Variants in UNC5B observed in about 807,000 individuals in gnomAD.
The protein encoded by UNC5B is unc-5 netrin receptor B, also known as netrin receptor UNC5B.
Under a neutral mutation model 103.7 loss-of-function variants are expected in UNC5B, and 56 were observed. That is an observed-to-expected ratio of 0.54 (90% CI 0.44 to 0.67). UNC5B has a LOEUF of 0.67. Among genes scored for constraint, UNC5B ranks in the 30% least tolerant of loss-of-function variants. UNC5B has a pLI of 0.00. For missense variants in UNC5B, 1,194 were observed against 1,284.5 expected (o/e 0.93, Z 1.08); for synonymous variants, 577 against 542.0 (o/e 1.06, Z -0.90).
chr10:71,293,172 A>T (rs1293840121), intron 11 of UNC5B, among the ~76,000 whole-genome samples: 1 of 152,190 alleles, frequency 6.6e-6, no homozygotes, highest in Admixed American at 6.5e-5. Context: ...TAAGCCAGGA[A>T]TTTTGAGCTA....
rs1374588606 is a variant in UNC5B, at chr10:71,300,875, G to T, written c.*1598G>T. 2 of 152,392 alleles carry T rather than the reference G, an allele frequency of 1.3e-5. No homozygotes were observed. The highest frequency in any genetic ancestry group is 2.9e-5 in the Non-Finnish European group (2 of 68,198). The allele number at this position is 152,392 out of a possible 1,614,324, so 9.4% of individuals were successfully genotyped here. ...CCCTCCTCTCACCCACCCCGCTACG[G>T]TCTGAGAGATCTGAAATAACCTTTC... On this transcript the variant is annotated 3_prime_UTR_variant, in exon 17 of 17. Coordinates refer to ENST00000335350, the MANE Select transcript of UNC5B (RefSeq NM_170744.5).
intron 4 of UNC5B, 69 bp from the exon 5 acceptor site, chr10:71,286,620 C>T: frequency 1.3e-6 from 2 of 1,583,062 alleles, no homozygotes; most frequent in Non-Finnish European, 1.7e-6. Context: ...CCAGGTAGAA[C>T]TGCCCTTCTT....
chr10:71,280,970 G>A (rs1325021237), intron 2 of UNC5B, among the ~76,000 whole-genome samples: 1 of 152,062 alleles, frequency 6.6e-6, no homozygotes, highest in Non-Finnish European at 1.5e-5. Flanking sequence ...TCCTTCTTCA[G>A]CTCTGTTTAT....
chr10:71,277,252 C>T (rs1374877816), intron 1 of UNC5B, among the ~76,000 whole-genome samples: 1 of 152,252 alleles, frequency 6.6e-6, no homozygotes, highest in East Asian at 1.9e-4. Flanking sequence ...TGACATGCAC[C>T]CATGGGCCCC....
rs1418335091 is a variant in UNC5B at position 71,288,977 on chromosome 10, C to A, written c.1086C>A (p.Asp362Glu). ...TGACAGATAAGAAAACTCTAAGCGA[C>A]CCCAACAGCCACCGTAAGTCCCATT... Reference protein sequence around the residue: ...LCMQNKKTLSDPNSHLLEASG... With the variant: ...LCMQNKKTLSEPNSHLLEASG... The change falls in exon 8 of 17, where the codon GAC becomes GAA. Residue 362 changes from aspartate (D) to glutamate (E), a missense_variant. Transcript: ENST00000335350. 6.2e-6 allele frequency: 10 copies of A among 1,614,210 alleles called. No homozygotes were observed. The highest frequency in any genetic ancestry group is 8.5e-6 in the Non-Finnish European group (10 of 1,180,024).
chr10:71,291,603 C>T lies in UNC5B; in HGVS notation c.1466C>T (p.Thr489Ile). The part of the protein sequence containing the change: ...SLKVKVYSSS[T>I]TGSGPGLADG... ...AAGGTCAAGGTCTACAGCTCCAGCA[C>T]CACGGGCTCTGGGCCAGGCCTGGCA... The change falls in exon 10 of 17, where the codon ACC becomes ATC. Residue 489 changes from threonine (T) to isoleucine (I), a missense_variant. Physicochemically the swap from Thr to Ile is moderately conservative, Grantham distance 89. Transcript: ENST00000335350. The T allele has an allele frequency of 1.2e-6, 2 of 1,614,154 alleles. No individual in the cohort carries two copies. Among genetic ancestry groups the T allele is most frequent in the South Asian group, 1.1e-5 (1 of 91,084 alleles).
At chr10:71,222,664 G>A (rs1843475613) in intron 1 of UNC5B, among the ~76,000 whole-genome samples, 1 of 152,224 alleles carries the variant, frequency 6.6e-6, no homozygotes, top group African/African-American at 2.4e-5. Flanking sequence ...GCCAAGGAGA[G>A]GGGCAGGAAG....
chr10:71,277,038 G>A (rs1465211203), intron 1 of UNC5B, among the ~76,000 whole-genome samples: 2 of 152,242 alleles, frequency 1.3e-5, no homozygotes, highest in Non-Finnish European at 2.9e-5. Flanking sequence ...AGAGTAGGGC[G>A]GTGGGGCTGC....
At chr10:71,229,238 T>G (rs1341938945) in intron 1 of UNC5B, among the ~76,000 whole-genome samples, 1 of 151,752 alleles carries the variant, frequency 6.6e-6, no homozygotes, top group Non-Finnish European at 1.5e-5. Context: ...TCAGAGAGAG[T>G]GGGTGTTTGT....
chr10:71,241,662 C>T (rs1411102371), intron 1 of UNC5B, among the ~76,000 whole-genome samples: 1 of 151,980 alleles, frequency 6.6e-6, no homozygotes, highest in Non-Finnish European at 1.5e-5. Flanking sequence ...GGCCCGTCTT[C>T]TCCTTGGCCT....
rs553050982 is a variant in UNC5B at position 71,265,129 on chromosome 10, G to T, written c.80-14692G>T. ...GAATACCTACCAGAAAGAGTTGCGG[G>T]GAGGGTTCAGTTAGATAATTATTCC... On this transcript the variant is annotated intron_variant, in intron 1 of 16. Coordinates refer to ENST00000335350, the MANE Select transcript of UNC5B (RefSeq NM_170744.5). 9.8e-5 allele frequency among the ~76,000 whole-genome samples: 15 copies of T among 152,288 alleles called. No individual in the cohort carries two copies. In the East Asian group the frequency reaches 2.7e-3, roughly 27 times the overall value.
intron 11 of UNC5B, 75 bp downstream of exon 11, chr10:71,292,629 C>T: frequency 2.2e-6 from 3 of 1,333,658 alleles, no homozygotes; most frequent in Non-Finnish European, 3.2e-6. Context: ...GGCTCCCCTT[C>T]TAAGCCTGAT....
In UNC5B at chr10:71,212,763, A is replaced by AGCCTCGTTCGAGAGCCGGC. The variant is rs1843252599; in HGVS notation, c.-219_-201dup. ...ACCCGGAGCCAGAGGGGCGCGCCGG[A>AGCCTCGTTCGAGAGCCGGC]GCCTCGTTCGAGAGCCGGCGCCAGG... On this transcript the variant is annotated 5_prime_UTR_variant, in exon 1 of 17. Transcript: ENST00000335350. The AGCCTCGTTCGAGAGCCGGC allele has an allele frequency of 2.8e-6, 1 of 351,774 alleles. No individual in the cohort carries two copies. The highest frequency in any genetic ancestry group is 4.8e-5 in the Admixed American group (1 of 21,016). The allele number at this position is 351,774 out of a possible 1,614,324, so 21.8% of individuals were successfully genotyped here. A position where few individuals can be genotyped will look rare whatever the true frequency, so the allele number is the denominator to read the frequency against.
chr10:71,214,092 C>T (rs1325852122), intron 1 of UNC5B, among the ~76,000 whole-genome samples: 1 of 152,108 alleles, frequency 6.6e-6, no homozygotes, highest in Non-Finnish European at 1.5e-5. Context: ...CCACGGCTGC[C>T]GGGCGGCTCG....
At chr10:71,246,903 G>A (rs569047281) in intron 1 of UNC5B, among the ~76,000 whole-genome samples, 39 of 152,276 alleles carry the variant, frequency 2.6e-4, no homozygotes, top group African/African-American at 9.4e-4. Context: ...GCTCCCTGAA[G>A]CAGGGAGGGC....
chr10:71,212,725 C>T lies in UNC5B; in HGVS notation c.-261C>T. The T allele has an allele frequency of 3.1e-6, 1 of 327,454 alleles. No individual in the cohort carries two copies. Among genetic ancestry groups the T allele is most frequent in the Non-Finnish European group, 5.5e-6 (1 of 180,398 alleles). 20.3% of individuals were successfully genotyped at this position (327,454 alleles called of 1,614,324 possible). A position where few individuals can be genotyped will look rare whatever the true frequency, so the allele number is the denominator to read the frequency against. ...TCGGAGGCACAGCGCCGGAGCCAGG[C>T]GAGCGCTCAGAGACCCGGAGCCAGA... On this transcript the variant is annotated 5_prime_UTR_variant, in exon 1 of 17. Coordinates refer to ENST00000335350, the MANE Select transcript of UNC5B (RefSeq NM_170744.5).
chr10:71,295,888 C>A lies in UNC5B; in HGVS notation c.2253C>A (p.Tyr751Ter). Residue 751 changes from tyrosine to a stop codon, truncating the protein, a stop_gained, in exon 14 of 17, where the codon TAC becomes TAA. Transcript: ENST00000335350. LOFTEE classifies it high-confidence loss of function. ...EPKPLMFKDS[Y>*]HNLRLSLHDL... is the part of the protein sequence containing the mutation. ...AACCGCTAATGTTCAAGGACAGTTACCACAACCTGCGCCTCTCCCTCCATG... is the reference window on the plus strand; with the variant it reads ...AACCGCTAATGTTCAAGGACAGTTAACACAACCTGCGCCTCTCCCTCCATG... The A allele has an allele frequency of 6.2e-7, 1 of 1,613,372 alleles. No individual in the cohort carries two copies.
chr10:71,285,994 C>G (rs746338276), intron 4 of UNC5B, among the ~76,000 whole-genome samples: 1 of 152,232 alleles, frequency 6.6e-6, no homozygotes, highest in Non-Finnish European at 1.5e-5. Flanking sequence ...TCAGCCCTCT[C>G]TGATCCCAAA....
chr10:71,251,763 G>A (rs1034888350), intron 1 of UNC5B, among the ~76,000 whole-genome samples: 1 of 152,162 alleles, frequency 6.6e-6, no homozygotes, highest in Non-Finnish European at 1.5e-5. Flanking sequence ...TTCCTCTCCT[G>A]TGAGAGTCTC....
Sources: gnomAD v4.1 joint callset for allele counts (sites outside exome capture counted in the v4.1 genomes callset) on GRCh38, gnomAD v4.1.1 for gene constraint, MANE v1.5 for transcripts, NCBI Gene and HGNC (gene_info 2026-07-23, HGNC 2026-07-21) for gene names.